The following LRRIQ3 variants were observed in gnomAD, a reference collection of about 807,000 sequenced individuals.
LRRIQ3 encodes the protein leucine-rich repeat and IQ domain-containing protein 3.
LRRIQ3 carries 75 observed loss-of-function variants against 59.3 expected under a neutral mutation model. That is an observed-to-expected ratio of 1.26 (90% CI 1.05 to 1.53). The LOEUF (loss-of-function observed/expected upper bound fraction) is 1.53, where lower values mean the gene tolerates loss of function less well. Ranked by LOEUF, LRRIQ3 falls within the 40% of genes most tolerant of loss-of-function variation. The pLI is 0.00. For missense variants in LRRIQ3, 831 were observed against 710.0 expected (o/e 1.17, Z -1.94); for synonymous variants, 250 against 231.3 (o/e 1.08, Z -0.73).
chr1:74,148,976 C>T (rs957660121), intron 4 of LRRIQ3, among the ~76,000 whole-genome samples: 4 of 152,108 alleles, frequency 2.6e-5, no homozygotes, highest in African/African-American at 9.7e-5. Flanking sequence ...TTATTTTCCT[C>T]TTTTAGTCGG....
intron 1 of LRRIQ3, among the ~76,000 whole-genome samples, chr1:74,186,108 C>A (rs1282226879): frequency 6.7e-6 from 1 of 149,404 alleles, no homozygotes. Context: ...ATTTTTATTT[C>A]AAAGGATTTA....
At chr1:74,032,931 G>C (rs918268487) in intron 7 of LRRIQ3, among the ~76,000 whole-genome samples, 8 of 151,950 alleles carry the variant, frequency 5.3e-5, no homozygotes, top group Admixed American at 4.6e-4. Context: ...AAAGGAAACT[G>C]TGGTAAATAT....
intron 5 of LRRIQ3, among the ~76,000 whole-genome samples, chr1:74,098,522 A>C (rs2100534457): frequency 6.6e-6 from 1 of 152,314 alleles, no homozygotes; most frequent in South Asian, 2.1e-4. Context: ...AAGGATATCC[A>C]GGAATTGAAC....
rs1420635952 is a variant in LRRIQ3 at position 74,131,710 on chromosome 1, T to C, written c.708-22157A>G. Among the ~76,000 whole-genome samples the C allele has an allele frequency of 2.0e-5, 3 of 152,292 alleles. No individual in the cohort carries two copies. The East Asian group carries it at 5.8e-4, about 29-fold the overall frequency. On this transcript the variant is annotated intron_variant, in intron 4 of 7. Coordinates refer to ENST00000354431, the MANE Select transcript of LRRIQ3 (RefSeq NM_001105659.2). ...CTAAGAACTCTCAATAAATTAGGTATTGATGAGATGTATCTCAAAATAATA... is the reference window on the plus strand; with the variant it reads ...CTAAGAACTCTCAATAAATTAGGTACTGATGAGATGTATCTCAAAATAATA...
rs1253413529 is a variant in LRRIQ3, at chr1:74,119,424, T to A, written c.708-9871A>T. Among the ~76,000 whole-genome samples, 3 of 152,124 alleles carry A rather than the reference T, an allele frequency of 2.0e-5. No individual in the cohort carries two copies. In the East Asian group the frequency reaches 5.8e-4, roughly 29 times the overall value. ...TTGCTCGACTACTTTATATACAAGC[T>A]ATTTATATGTGAACATTTTCTGATT... On this transcript the variant is annotated intron_variant, in intron 4 of 7. Coordinates refer to ENST00000354431, the MANE Select transcript of LRRIQ3 (RefSeq NM_001105659.2).
chr1:74,050,588 G>T, intron 6 of LRRIQ3: 1 of 985,210 alleles, frequency 1.0e-6, no homozygotes, highest in Non-Finnish European at 1.2e-6. Context: ...AGAAACAAAT[G>T]GTCCAAACCT....
rs78520840 is a variant in LRRIQ3 at position 74,175,168 on chromosome 1, G to A, written c.573+7370C>T. 6.4e-3 allele frequency among the ~76,000 whole-genome samples: 975 copies of A among 152,242 alleles called. 42 individuals carry two copies. The highest frequency in any genetic ancestry group is 0.055 in the East Asian group (285 of 5,162). ...ACTGGCTCTGAAGTCAGATGAGGCC[G>A]ATGGGGTCCAAGGTCAGGTGAGGCC... On this transcript the variant is annotated intron_variant, in intron 3 of 7. Coordinates refer to ENST00000354431, the MANE Select transcript of LRRIQ3 (RefSeq NM_001105659.2).
At chr1:74,141,785 C>T (rs113021923) in intron 4 of LRRIQ3, among the ~76,000 whole-genome samples, 3,214 of 151,636 alleles carry the variant, frequency 0.021, 112 homozygotes, top group African/African-American at 0.073. Flanking sequence ...ATATTGGGCT[C>T]ATTTTGTTGC....
intron 5 of LRRIQ3, chr1:74,108,963 C>A (rs374033298): frequency 6.3e-6 from 2 of 319,612 alleles, no homozygotes; most frequent in Non-Finnish European, 1.2e-5. Context: ...AGTAGGCATT[C>A]AATCAACATA....
chr1:74,071,040 C>T (rs915401989), intron 6 of LRRIQ3, among the ~76,000 whole-genome samples: 97 of 150,206 alleles, frequency 6.5e-4, no homozygotes, highest in African/African-American at 2.3e-3. Context: ...TATACACACA[C>T]ACACACATAC....
chr1:74,090,554 T>C (rs917660959), intron 5 of LRRIQ3, among the ~76,000 whole-genome samples: 19 of 151,856 alleles, frequency 1.3e-4, no homozygotes, highest in Admixed American at 8.6e-4. Context: ...TGGTAAAATA[T>C]AAATTTGGAC....
intron 1 of LRRIQ3, among the ~76,000 whole-genome samples, chr1:74,187,456 G>A (rs1439008841): frequency 6.6e-6 from 1 of 151,810 alleles, no homozygotes; most frequent in Non-Finnish European, 1.5e-5. Context: ...AGCCCAGAAG[G>A]CTATTATTCA....
At chr1:74,132,360 A>C (rs545969962) in intron 4 of LRRIQ3, among the ~76,000 whole-genome samples, 1 of 151,932 alleles carries the variant, frequency 6.6e-6, no homozygotes, top group East Asian at 1.9e-4. Flanking sequence ...CTTGGAAAAA[A>C]CTACTTTAAA....
intron 6 of LRRIQ3, among the ~76,000 whole-genome samples, chr1:74,066,454 G>T (rs1005605227): frequency 6.6e-6 from 1 of 151,638 alleles, no homozygotes; most frequent in South Asian, 2.1e-4. Flanking sequence ...CACATTTTTT[G>T]GTATAACCAC....
chr1:74,148,099 G>C (rs1647691224), intron 4 of LRRIQ3, among the ~76,000 whole-genome samples: 1 of 151,926 alleles, frequency 6.6e-6, no homozygotes, highest in African/African-American at 2.4e-5. Flanking sequence ...GAGATTTATT[G>C]TTTCTTTGGA....
At position 74,155,814 on chromosome 1, in the gene LRRIQ3, A is replaced by AT; in HGVS notation, c.625dup (p.Ile209AsnfsTer2). ...TGAATTATGAGCCAGAATTGCATTA[A>AT]TTTTTGAAGTAATATGTTTAATATT... On this transcript the variant is annotated frameshift_variant, in exon 4 of 8. Coordinates refer to ENST00000354431, the MANE Select transcript of LRRIQ3 (RefSeq NM_001105659.2). LOFTEE classifies it high-confidence loss of function. 6.3e-7 allele frequency: 1 copy of AT among 1,584,366 alleles called. No homozygotes were observed. Among genetic ancestry groups the AT allele is most frequent in the Non-Finnish European group, 8.6e-7 (1 of 1,166,906 alleles).
intron 5 of LRRIQ3, among the ~76,000 whole-genome samples, chr1:74,097,765 A>G (rs1646468659): frequency 1.3e-5 from 2 of 152,262 alleles, no homozygotes; most frequent in East Asian, 3.9e-4. Context: ...ATTCTTAAAG[A>G]AAAGAATTTT....
At chr1:74,188,043 A>T (rs147038166) in intron 1 of LRRIQ3, among the ~76,000 whole-genome samples, 100 of 152,312 alleles carry the variant, frequency 6.6e-4, no homozygotes, top group African/African-American at 2.2e-3. Flanking sequence ...GGTAGACTGG[A>T]TAAAGAAAAT....
chr1:74,027,963 T>C (rs554863634), intron 7 of LRRIQ3, among the ~76,000 whole-genome samples: 35 of 151,892 alleles, frequency 2.3e-4, no homozygotes, highest in Admixed American at 5.9e-4. Context: ...GAGGGGAAGA[T>C]AAAAAAAAGT....
Sources: allele counts gnomAD v4.1 joint callset (sites outside exome capture counted in the v4.1 genomes callset), GRCh38; gene constraint gnomAD v4.1.1; transcripts MANE v1.5; gene names NCBI Gene and HGNC (gene_info 2026-07-23, HGNC 2026-07-21).